Variants in NAA25 observed in about 807,000 individuals in gnomAD.
NAA25 encodes N-terminal acetyltransferase B complex subunit NAA25.
NAA25 carries 30 observed loss-of-function variants against 132.5 expected under a neutral mutation model. The observed-to-expected ratio is 0.23, with a 90% CI of 0.17 to 0.31. The LOEUF (loss-of-function observed/expected upper bound fraction) is 0.31. Among genes scored for constraint, NAA25 ranks in the 10% least tolerant of loss-of-function variants. The probability of loss-of-function intolerance (pLI) is 1.00; values close to 1 mark genes in which losing one functional copy is unlikely to be tolerated. For missense variants in NAA25, 771 were observed against 1,150.4 expected, an observed-to-expected ratio of 0.67 and a Z score of 4.77; for synonymous variants, 359 against 401.9, an observed-to-expected ratio of 0.89 and a Z score of 1.28.
At chr12:112,059,106 A>C (rs939963245) in intron 13 of NAA25, among the ~76,000 whole-genome samples, 2 of 97,204 alleles carry the variant, frequency 2.1e-5, no homozygotes, top group Admixed American at 1.0e-4. Flanking sequence ...AAAAAAAAAA[A>C]AAAAAAAAAA....
At chr12:112,105,447 G>A (rs2079348981) in intron 1 of NAA25, among the ~76,000 whole-genome samples, 1 of 152,146 alleles carries the variant, frequency 6.6e-6, no homozygotes, top group Non-Finnish European at 1.5e-5. Flanking sequence ...AAGGTCATGG[G>A]TGGAGGTTTT....
chr12:112,062,747 C>T (rs1330547972), intron 11 of NAA25, among the ~76,000 whole-genome samples: 1 of 151,264 alleles, frequency 6.6e-6, no homozygotes, highest in African/African-American at 2.4e-5. Flanking sequence ...AAGAATAAAT[C>T]CACACAGATC....
chr12:112,051,225 T>G (rs994351916), intron 15 of NAA25, among the ~76,000 whole-genome samples: 2 of 152,142 alleles, frequency 1.3e-5, no homozygotes, highest in African/African-American at 4.8e-5. Flanking sequence ...TTTTTCTTTT[T>G]TGGTGGGGGG....
At chr12:112,070,334 T>C (rs1196092491) in intron 10 of NAA25, among the ~76,000 whole-genome samples, 1 of 152,220 alleles carries the variant, frequency 6.6e-6, no homozygotes. Flanking sequence ...TGAAGGATTC[T>C]CTCAATGCTT....
rs551216525 is a variant in NAA25, at chr12:112,088,206, T to C, written c.284-405A>G. Among the ~76,000 whole-genome samples, 12 of 152,240 alleles carry C rather than the reference T, an allele frequency of 7.9e-5. No individual in the cohort carries two copies. In the South Asian group the frequency reaches 2.3e-3, roughly 29 times the overall value. On this transcript the variant is annotated intron_variant, in intron 3 of 23. Transcript: ENST00000261745. Reference sequence around the variant, plus strand: ...AACATCAGCCAAGACCCAATTCAAATGTAAGCTGAACTGTAAGACTTTCTC... The same window carrying C: ...AACATCAGCCAAGACCCAATTCAAACGTAAGCTGAACTGTAAGACTTTCTC...
chr12:112,048,155 C>T (rs1283131710), intron 16 of NAA25, 137 bp downstream of exon 16: 2 of 800,368 alleles, frequency 2.5e-6, no homozygotes, highest in Admixed American at 2.9e-5. Flanking sequence ...GTGCCAAGTT[C>T]TGTTTCCCCA....
intron 13 of NAA25, 76 bp from the exon 14 acceptor site, chr12:112,054,644 T>C (rs975033804): frequency 7.5e-7 from 1 of 1,332,488 alleles, no homozygotes; most frequent in Admixed American, 2.4e-5. Flanking sequence ...AACAAAACCT[T>C]ATTGACATCA....
chr12:112,075,734 C>G lies in NAA25; in HGVS notation c.720G>C (p.Lys240Asn). ...TGCACTCTGGCCACCTGCTCAGCTT[C>G]TTGTACATAGCCATGCATTTATTTT... ...SRENKCMAMY[K>N]KLSRWPECNA... The change falls in exon 8 of 24, where the codon AAG becomes AAC. Residue 240 changes from lysine to asparagine, a missense_variant. Physicochemically the swap from Lys to Asn is moderately conservative, Grantham distance 94. Transcript: ENST00000261745. The G allele has an allele frequency of 6.2e-7, 1 of 1,614,030 alleles. No individual in the cohort carries two copies. Among genetic ancestry groups the G allele is most frequent in the Non-Finnish European group, 8.5e-7 (1 of 1,179,936 alleles).
chr12:112,043,913 A>G, intron 17 of NAA25, 45 bp from the exon 18 acceptor site: 1 of 1,562,216 alleles, frequency 6.4e-7, no homozygotes, highest in Non-Finnish European at 8.6e-7. Context: ...TTCAATATTC[A>G]ATCCATTGCT....
At position 112,054,396 on chromosome 12, in the gene NAA25, A is replaced by G. The variant is rs763190670; in HGVS notation, c.1620T>C (p.Asp540=). Reference sequence around the variant, plus strand: ...GAGTATATACTACCAACCCAATGGTATCATGCTGGATATGCTTAGCATCGA... The same window carrying G: ...GAGTATATACTACCAACCCAATGGTGTCATGCTGGATATGCTTAGCATCGA... ...SSLDAKHIQH[D]TIGYLLTRYA... is the part of the protein sequence containing the mutation. The change falls in exon 14 of 24, where the codon GAT becomes GAC. Residue 540 remains aspartate, a synonymous_variant. Transcript: ENST00000261745. The G allele has an allele frequency of 3.7e-6, 6 of 1,613,904 alleles. No individual in the cohort carries two copies. In the East Asian group the frequency reaches 6.7e-5, roughly 18 times the overall value.
At chr12:112,085,286 G>A (rs1007320978) in intron 4 of NAA25, among the ~76,000 whole-genome samples, 4 of 151,838 alleles carry the variant, frequency 2.6e-5, no homozygotes, top group African/African-American at 9.7e-5. Context: ...CAGCTACTCG[G>A]GAGGCAGAGG....
rs1266668555 is a variant in NAA25, at chr12:112,068,903, A to G, written c.1126T>C (p.Leu376=). 6.2e-7 allele frequency: 1 copy of G among 1,610,718 alleles called. No homozygotes were observed. The highest frequency in any genetic ancestry group is 1.1e-5 in the South Asian group (1 of 90,828). Residue 376 remains leucine (L), a synonymous_variant, in exon 11 of 24, where the codon TTA becomes CTA. Coordinates refer to ENST00000261745, the MANE Select transcript of NAA25 (RefSeq NM_024953.4). ...ACTTTTGTACACTGTGTAGCAGGTA[A>G]GAGGTCAACAAACACCTTAAGGTCT... ...FTDLKVFVDL[L]PATQCTKFIN...
chr12:112,033,396 A>G lies in NAA25; in HGVS notation c.2650-17T>C, dbSNP rs2078176799. 2.5e-6 allele frequency: 4 copies of G among 1,589,408 alleles called. No individual in the cohort carries two copies. The African/African-American group carries it at 5.4e-5, about 22-fold the overall frequency. Reference sequence around the variant, plus strand: ...GACAGGTGGCTGGGAAAAAGATTAAAAAAGAGTTGAAACATTATCAAACAT... The same window carrying G: ...GACAGGTGGCTGGGAAAAAGATTAAGAAAGAGTTGAAACATTATCAAACAT... On this transcript the variant is annotated splice_polypyrimidine_tract_variant and intron_variant, in intron 22 of 23. Transcript: ENST00000261745.
At chr12:112,044,172 C>G (rs987690307) in intron 17 of NAA25, among the ~76,000 whole-genome samples, 2 of 150,292 alleles carry the variant, frequency 1.3e-5, no homozygotes, top group African/African-American at 4.9e-5. Flanking sequence ...ACCTCGTGAT[C>G]TGCCTGCCTT....
chr12:112,032,548 G>A (rs1056486552), intron 23 of NAA25, among the ~76,000 whole-genome samples: 1 of 152,168 alleles, frequency 6.6e-6, no homozygotes, highest in Non-Finnish European at 1.5e-5. Flanking sequence ...ATTTTCTTAA[G>A]ATCAGTTTCA....
At chr12:112,093,794 C>A (rs2136933411) in intron 1 of NAA25, among the ~76,000 whole-genome samples, 1 of 151,848 alleles carries the variant, frequency 6.6e-6, no homozygotes, top group Admixed American at 6.6e-5. Context: ...GTGGGGTGAT[C>A]ATTTGAGCCT....
intron 23 of NAA25, among the ~76,000 whole-genome samples, chr12:112,032,356 T>G (rs974871054): frequency 1.3e-5 from 2 of 152,198 alleles, no homozygotes; most frequent in Non-Finnish European, 2.9e-5. Context: ...CTAACGTTTT[T>G]AAGCTTTACA....
At chr12:112,092,680 C>T (rs111535704) in intron 2 of NAA25, among the ~76,000 whole-genome samples, 4 of 149,470 alleles carry the variant, frequency 2.7e-5, no homozygotes, top group East Asian at 2.5e-4. Flanking sequence ...TTTCTCCCCC[C>T]CCTTTTTTTT....
At chr12:112,035,922 G>C (rs2078219027) in intron 22 of NAA25, among the ~76,000 whole-genome samples, 1 of 152,086 alleles carries the variant, frequency 6.6e-6, no homozygotes, top group African/African-American at 2.4e-5. Context: ...CCGGGCTCAA[G>C]CAATCTCCCC....
Sources: gnomAD v4.1 joint callset for allele counts (sites outside exome capture counted in the v4.1 genomes callset) on GRCh38, gnomAD v4.1.1 for gene constraint, MANE v1.5 for transcripts, NCBI Gene and HGNC (gene_info 2026-07-23, HGNC 2026-07-21) for gene names.